Variants in LARS2 observed in about 807,000 individuals in gnomAD.
The protein encoded by LARS2 is leucine--tRNA ligase, mitochondrial.
In LARS2, 81 loss-of-function variants were observed where a neutral mutation model predicts 116.6. The observed-to-expected ratio is 0.69, with a 90% CI of 0.58 to 0.84. The LOEUF is 0.84. LARS2 is among the 40% of genes least tolerant of loss of function. The probability of loss-of-function intolerance (pLI) is 0.00; values close to 1 mark genes in which losing one functional copy is unlikely to be tolerated. For synonymous variants in LARS2, 396 were observed against 407.2 expected (o/e 0.97, Z 0.33); for missense variants, 968 against 1,114.5 (o/e 0.87, Z 1.87).
chr3:45,524,387 C>A (rs1429531516), intron 20 of LARS2, among the ~76,000 whole-genome samples: 2 of 152,176 alleles, frequency 1.3e-5, no homozygotes, highest in African/African-American at 2.4e-5. Flanking sequence ...CTCAGCCCCC[C>A]AGTATCCACA....
At chr3:45,517,390 A>G (rs1457722094) in intron 17 of LARS2, among the ~76,000 whole-genome samples, 1 of 152,212 alleles carries the variant, frequency 6.6e-6, no homozygotes, top group Admixed American at 6.5e-5. Context: ...GCTGGATTGG[A>G]TGAGCTTGTG....
Position 45,541,867 on chromosome 3 carries a change from A to T in LARS2, c.2443A>T (p.Thr815Ser). ...GCCGAGGAAGCTCTGTGCCCACTAC[A>T]CTTGGGATGCCAGTGTGCTGCTCCA... ...LVPRKLCAHY[T>S]WDASVLLQAW... Residue 815 changes from threonine to serine, a missense_variant, in exon 21 of 22, where the codon ACT (threonine) becomes TCT (serine). Transcript: ENST00000645846. 6.2e-7 allele frequency: 1 copy of T among 1,614,222 alleles called. No individual in the cohort carries two copies.
intron 7 of LARS2, among the ~76,000 whole-genome samples, chr3:45,449,216 G>A (rs78099511): frequency 7.5e-4 from 111 of 147,764 alleles, no homozygotes; most frequent in African/African-American, 2.4e-3. Context: ...AGGTTGGAGC[G>A]CAATGGTGTG....
intron 4 of LARS2, among the ~76,000 whole-genome samples, chr3:45,402,647 T>C (rs980112664): frequency 1.3e-5 from 2 of 152,194 alleles, no homozygotes; most frequent in African/African-American, 4.8e-5. Context: ...GAGGGTCACG[T>C]TGTAATGTCT....
At chr3:45,531,496 G>A (rs1700614054) in intron 20 of LARS2, among the ~76,000 whole-genome samples, 1 of 152,004 alleles carries the variant, frequency 6.6e-6, no homozygotes, top group Non-Finnish European at 1.5e-5. Context: ...TCGTGCCTCA[G>A]CCTCCCAAGT....
At position 45,484,620 on chromosome 3, in the gene LARS2, A is replaced by ATATATAT. The variant is rs1180010440; in HGVS notation, c.1019-1072_1019-1071insTATATAT. On this transcript the variant is annotated intron_variant, in intron 10 of 21. Transcript: ENST00000645846. Reference sequence around the variant, plus strand: ...TGTCTCTACAAAAAAAAAAAAAAAAAAAAAAAAAAAATATATATATATATA... The same window carrying ATATATAT: ...TGTCTCTACAAAAAAAAAAAAAAAAATATATATAAAAAAAAAAATATATATATATATA... Among the ~76,000 whole-genome samples, 27 of 14,002 alleles carry ATATATAT rather than the reference A, an allele frequency of 1.9e-3. 1 individual carries two copies. The highest frequency in any genetic ancestry group is 3.3e-3 in the Non-Finnish European group (13 of 3,976). The allele number at this position is 14,002 out of a possible 152,430, so 9.2% of individuals were successfully genotyped here.
intron 4 of LARS2, among the ~76,000 whole-genome samples, chr3:45,404,830 G>C (rs1390620899): frequency 6.6e-6 from 1 of 152,048 alleles, no homozygotes; most frequent in Non-Finnish European, 1.5e-5. Context: ...CAGGTGATCA[G>C]CCTGCCTCGG....
chr3:45,432,570 A>G (rs751348603), intron 6 of LARS2, among the ~76,000 whole-genome samples: 4 of 152,144 alleles, frequency 2.6e-5, no homozygotes, highest in Non-Finnish European at 5.9e-5. Flanking sequence ...CACAAGGGAA[A>G]TTAAAAAATA....
chr3:45,501,921 C>T (rs528615381), intron 15 of LARS2, among the ~76,000 whole-genome samples: 2 of 151,108 alleles, frequency 1.3e-5, no homozygotes, highest in South Asian at 2.1e-4. Context: ...TTCAAGACAC[C>T]GATTTTTTTT....
chr3:45,459,351 A>C (rs544856734), intron 8 of LARS2, among the ~76,000 whole-genome samples: 1 of 152,334 alleles, frequency 6.6e-6, no homozygotes, highest in South Asian at 2.1e-4. Context: ...TCTAGACTTC[A>C]CATGCTTAAA....
intron 15 of LARS2, among the ~76,000 whole-genome samples, chr3:45,505,521 T>TA (rs557290154): frequency 0.017 from 2,438 of 140,870 alleles, 51 homozygotes; most frequent in African/African-American, 0.047. Flanking sequence ...CTCCATCTGT[T>TA]AAAAAAAAAA....
chr3:45,395,701 C>T (rs575020488), intron 3 of LARS2, among the ~76,000 whole-genome samples: 29 of 152,256 alleles, frequency 1.9e-4, no homozygotes, highest in Non-Finnish European at 2.9e-4. Flanking sequence ...TCTCCTGATT[C>T]GGTCAACACA....
At chr3:45,442,758 GC>G (rs1698934805) in intron 6 of LARS2, among the ~76,000 whole-genome samples, 1 of 152,112 alleles carries the variant, frequency 6.6e-6, no homozygotes, top group Non-Finnish European at 1.5e-5. Flanking sequence ...TCACTTAACC[GC>G]CTCCATCTTT....
chr3:45,516,092 A>G lies in LARS2; in HGVS notation c.1862-2A>G, dbSNP rs1700365601. 2.5e-6 allele frequency: 4 copies of G among 1,613,442 alleles called. No individual in the cohort carries two copies. The highest frequency in any genetic ancestry group is 3.4e-6 in the Non-Finnish European group (4 of 1,179,490). On this transcript the variant is annotated splice_acceptor_variant, in intron 16 of 21. Transcript: ENST00000645846. LOFTEE classifies it high-confidence loss of function. ...ATACCTATGGATTATTTTGGCATCTAGGTTCCGTTCCTGTTCATGCAAAAA... is the reference window on the plus strand; with the variant it reads ...ATACCTATGGATTATTTTGGCATCTGGGTTCCGTTCCTGTTCATGCAAAAA...
intron 10 of LARS2, among the ~76,000 whole-genome samples, chr3:45,483,513 G>A (rs1304702758): frequency 1.3e-5 from 2 of 152,068 alleles, no homozygotes; most frequent in African/African-American, 2.4e-5. Flanking sequence ...GTTGGGTGTG[G>A]TGGCATGTGC....
chr3:45,392,285 A>G (rs191274086), intron 2 of LARS2, among the ~76,000 whole-genome samples: 9 of 151,368 alleles, frequency 5.9e-5, no homozygotes, highest in Non-Finnish European at 1.3e-4. Context: ...CAACTAATAG[A>G]GAGATTTCTT....
Position 45,488,736 on chromosome 3 carries a change from A to G in LARS2, c.1163A>G (p.Gln388Arg). Reference sequence around the variant, plus strand: ...AGCTCAGAGGACACCATCTTAGCCCAAACCCTGGGCCTGGCCTACTCTGAA... The same window carrying G: ...AGCTCAGAGGACACCATCTTAGCCCGAACCCTGGGCCTGGCCTACTCTGAA... ...STSSEDTILA[Q>R]TLGLAYSEVI... The change falls in exon 12 of 22, where the codon CAA becomes CGA. Residue 388 changes from glutamine (Q) to arginine (R), a missense_variant. Gln to Arg is a conservative substitution (Grantham distance 43, BLOSUM62 1). Transcript: ENST00000645846. 1 of 1,613,982 alleles carries G rather than the reference A, an allele frequency of 6.2e-7. No homozygotes were observed.
chr3:45,474,557 C>A (rs892664182), intron 9 of LARS2, among the ~76,000 whole-genome samples: 4 of 152,058 alleles, frequency 2.6e-5, no homozygotes, highest in Non-Finnish European at 2.9e-5. Flanking sequence ...CCCATTACAA[C>A]CAAAATGATT....
chr3:45,488,934 C>T, intron 12 of LARS2, 122 bp downstream of exon 12: 1 of 725,000 alleles, frequency 1.4e-6, no homozygotes, highest in South Asian at 1.5e-5. Flanking sequence ...AGCCTTGTGG[C>T]CTCATATCTA....
Sources: gnomAD v4.1 joint callset for allele counts (sites outside exome capture counted in the v4.1 genomes callset) on GRCh38, gnomAD v4.1.1 for gene constraint, MANE v1.5 for transcripts, NCBI Gene and HGNC (gene_info 2026-07-23, HGNC 2026-07-21) for gene names.